The following CHST11 variants were observed in gnomAD, a reference collection of about 807,000 sequenced individuals.
CHST11 encodes C4S-1.
CHST11 carries 9 observed loss-of-function variants against 30.4 expected under a neutral mutation model. The observed-to-expected ratio is 0.30, with a 90% CI of 0.18 to 0.52. The LOEUF (loss-of-function observed/expected upper bound fraction) is 0.52, where lower values mean the gene tolerates loss of function less well. Ranked by LOEUF, CHST11 falls within the 20% of genes least tolerant of loss-of-function variation. CHST11 has a pLI of 0.97. For missense variants in CHST11, 348 were observed against 460.6 expected (o/e 0.76, Z 2.24); for synonymous variants, 152 against 187.8 (o/e 0.81, Z 1.56).
At chr12:104,479,136 A>G (rs931729288) in intron 1 of CHST11, among the ~76,000 whole-genome samples, 2 of 151,778 alleles carry the variant, frequency 1.3e-5, no homozygotes, top group Non-Finnish European at 2.9e-5. Context: ...TTCCTTTCCC[A>G]ACCCAACTCA....
chr12:104,565,204 C>T (rs1022732614), intron 1 of CHST11, among the ~76,000 whole-genome samples: 1 of 151,134 alleles, frequency 6.6e-6, no homozygotes, highest in Non-Finnish European at 1.5e-5. Flanking sequence ...CCTCTGAATT[C>T]CTATCCTGGA....
At chr12:104,570,443 CTTGGTGT>C (rs1190989453) in intron 1 of CHST11, among the ~76,000 whole-genome samples, 1 of 152,142 alleles carries the variant, frequency 6.6e-6, no homozygotes, top group Non-Finnish European at 1.5e-5. Flanking sequence ...CACGTGCCTT[CTTGGTGT>C]CCCATCTATG....
intron 1 of CHST11, among the ~76,000 whole-genome samples, chr12:104,524,185 A>T (rs1294261604): frequency 6.6e-6 from 1 of 152,150 alleles, no homozygotes; most frequent in Non-Finnish European, 1.5e-5. Context: ...GGAAGGACAC[A>T]TGGAGAGGAT....
At chr12:104,558,538 T>TCCCCCCCCC (rs71441899) in intron 1 of CHST11, among the ~76,000 whole-genome samples, 110 of 117,764 alleles carry the variant, frequency 9.3e-4, no homozygotes, top group African/African-American at 1.1e-3. Flanking sequence ...CAGCAGAAAT[T>TCCCCCCCCC]CCCCCCCCCG....
rs771207447 is a variant in CHST11 at position 104,757,498 on chromosome 12, G to A, written c.754G>A (p.Glu252Lys). The A allele has an allele frequency of 6.2e-7, 1 of 1,614,138 alleles. No individual in the cohort carries two copies. Among genetic ancestry groups the A allele is most frequent in the Non-Finnish European group, 8.5e-7 (1 of 1,180,034 alleles). Residue 252 changes from glutamate (E) to lysine (K), a missense_variant, in exon 3 of 3, where the codon GAG becomes AAG. Transcript: ENST00000303694. The surrounding 1 kb of genome is among the most constrained non-coding windows in gnomAD (Gnocchi z 6.5). ...AYLIDPHTQR[E>K]EPFNEHWQTV... The stretch of plus-strand genomic sequence containing the variant: ...TCTCATCGACCCACACACCCAGCGG[G>A]AGGAGCCTTTCAACGAACACTGGCA...
At chr12:104,680,829 C>A (rs929117015) in intron 2 of CHST11, among the ~76,000 whole-genome samples, 2 of 152,196 alleles carry the variant, frequency 1.3e-5, no homozygotes, top group African/African-American at 4.8e-5. Flanking sequence ...GTGCCCCGCC[C>A]CCCTGTTCCT....
chr12:104,599,204 C>T (rs539277612), intron 1 of CHST11, among the ~76,000 whole-genome samples: 3 of 152,160 alleles, frequency 2.0e-5, no homozygotes, highest in African/African-American at 7.2e-5. Context: ...AGTGAAGTCA[C>T]GGGCAGGGCT....
intron 2 of CHST11, among the ~76,000 whole-genome samples, chr12:104,680,472 G>T (rs925077727): frequency 3.3e-5 from 5 of 152,224 alleles, no homozygotes; most frequent in African/African-American, 1.2e-4. Context: ...GGGCCAATCT[G>T]CGGGGCCTGG....
chr12:104,629,450 C>A (rs904589483), intron 2 of CHST11, among the ~76,000 whole-genome samples: 1 of 152,146 alleles, frequency 6.6e-6, no homozygotes, highest in African/African-American at 2.4e-5. Context: ...AAGGTTAAGC[C>A]CTCTTTAAAG....
intron 2 of CHST11, among the ~76,000 whole-genome samples, chr12:104,635,193 G>A (rs750764724): frequency 6.6e-6 from 1 of 152,068 alleles, no homozygotes; most frequent in Non-Finnish European, 1.5e-5. Context: ...CCCACGAGGG[G>A]CCTCCGCACA....
chr12:104,565,455 C>T (rs929920803), intron 1 of CHST11, among the ~76,000 whole-genome samples: 14 of 151,550 alleles, frequency 9.2e-5, no homozygotes, highest in East Asian at 1.9e-4. Context: ...TTAGTAGAGG[C>T]GGGGTTTCAC....
At chr12:104,717,856 AG>A (rs558020634) in intron 2 of CHST11, among the ~76,000 whole-genome samples, 543 of 152,262 alleles carry the variant, frequency 3.6e-3, no homozygotes, top group Middle Eastern at 0.014. Flanking sequence ...AGGCTGAGGC[AG>A]GAGAATCGCT....
At chr12:104,753,290 CCTCA>C (rs2040448894) in intron 2 of CHST11, among the ~76,000 whole-genome samples, 1 of 152,156 alleles carries the variant, frequency 6.6e-6, no homozygotes, top group Non-Finnish European at 1.5e-5. Flanking sequence ...TCTGACGGAT[CCTCA>C]GCTGTAAAAT....
intron 1 of CHST11, among the ~76,000 whole-genome samples, chr12:104,459,982 C>T (rs1027871727): frequency 1.3e-5 from 2 of 152,204 alleles, no homozygotes; most frequent in African/African-American, 4.8e-5. Context: ...TATCATTACA[C>T]GGGGCATAAA....
intron 2 of CHST11, among the ~76,000 whole-genome samples, chr12:104,749,807 AT>A (rs2040415597): frequency 6.6e-6 from 1 of 152,190 alleles, no homozygotes; most frequent in South Asian, 2.1e-4. Flanking sequence ...CTCCTGCCCC[AT>A]TTTGACATGG....
Position 104,653,557 on chromosome 12 carries a change from C to T in CHST11, c.204+51566C>T, listed in dbSNP as rs768509105. On this transcript the variant is annotated intron_variant, in intron 2 of 2. Transcript: ENST00000303694. ...ACCTGAGAGGAAAGAAAACAAACGC[C>T]GTCTCCCACTGAGTGAAAACTAAAT... Among the ~76,000 whole-genome samples the T allele has an allele frequency of 3.9e-5, 6 of 152,120 alleles. 1 individual carries two copies. The highest frequency in any genetic ancestry group is 2.0e-4 in the Admixed American group (3 of 15,282).
chr12:104,528,926 GAGA>G (rs1322368536), intron 1 of CHST11, among the ~76,000 whole-genome samples: 1 of 152,186 alleles, frequency 6.6e-6, no homozygotes, highest in African/African-American at 2.4e-5. Flanking sequence ...GAAGGGAGGT[GAGA>G]AGAATAAAGA....
chr12:104,727,860 C>T (rs1027427046), intron 2 of CHST11, among the ~76,000 whole-genome samples: 1 of 152,108 alleles, frequency 6.6e-6, no homozygotes, highest in African/African-American at 2.4e-5. Flanking sequence ...AACAGGGACC[C>T]TAAGCTACTC....
Position 104,490,922 on chromosome 12 carries a change from A to G in CHST11, c.118+33393A>G, listed in dbSNP as rs375978399. ...AGAAAAACACAGGGCGATCTTTGGC[A>G]TAGCCTGTCATTTTGCTCACATTTC... On this transcript the variant is annotated intron_variant, in intron 1 of 2. Coordinates refer to ENST00000303694, the MANE Select transcript of CHST11 (RefSeq NM_018413.6). Among the ~76,000 whole-genome samples, 144 of 152,306 alleles carry G rather than the reference A, an allele frequency of 9.5e-4. 1 individual carries two copies. Among genetic ancestry groups the G allele is most frequent in the African/African-American group, 3.4e-3 (142 of 41,572 alleles).
Sources: allele counts gnomAD v4.1 joint callset (sites outside exome capture counted in the v4.1 genomes callset), GRCh38; gene constraint gnomAD v4.1.1; non-coding constraint Gnocchi (gnomAD v3.1); transcripts MANE v1.5; gene names NCBI Gene and HGNC (gene_info 2026-07-23, HGNC 2026-07-21).